The following UPRT variants were observed in gnomAD, a reference collection of about 807,000 sequenced individuals.
UPRT encodes uracil phosphoribosyltransferase homolog.
In UPRT, 5 loss-of-function variants were observed where a neutral mutation model predicts 22.6. The ratio of observed to expected loss-of-function variants is 0.22; its 90% CI spans 0.12 to 0.47. The LOEUF is 0.47. Among genes scored for constraint, UPRT ranks in the 20% least tolerant of loss-of-function variants. The pLI is 0.99. For missense variants in UPRT, 181 were observed against 239.9 expected (o/e 0.75, Z 1.62); for synonymous variants, 77 against 87.7 (o/e 0.88, Z 0.68).
chrX:75,227,241 A>T (rs144719685), intron 4 of UPRT, among the ~76,000 whole-genome samples: 1 of 111,903 alleles, frequency 8.9e-6, no homozygotes, highest in African/African-American at 3.2e-5. Flanking sequence ...CATTTTATCA[A>T]CTATTTAGTT....
intron 1 of UPRT, among the ~76,000 whole-genome samples, chrX:75,288,998 T>C (rs2082694400): frequency 9.0e-6 from 1 of 111,269 alleles, no homozygotes; most frequent in Non-Finnish European, 1.9e-5. Context: ...TGTTTCAGAA[T>C]ACAAAATCAG....
At chrX:75,271,625 A>G (rs1002351939), upstream of UPRT, among the ~76,000 whole-genome samples, 5 of 112,482 alleles carry the variant, frequency 4.4e-5, no homozygotes, top group South Asian at 7.3e-4. Flanking sequence ...CAAATGCAAT[A>G]AAAACAAAGA....
At chrX:75,298,761 T>A (rs1234959103) in intron 4 of UPRT, among the ~76,000 whole-genome samples, 1 of 111,800 alleles carries the variant, frequency 8.9e-6, no homozygotes. Context: ...GTTCAACTTT[T>A]AAAAACTGGT....
intron 1 of UPRT, among the ~76,000 whole-genome samples, chrX:75,289,486 G>T (rs1461098810): frequency 3.7e-5 from 4 of 109,037 alleles, no homozygotes; most frequent in African/African-American, 1.3e-4. Context: ...TGCCCCAAAA[G>T]AGCCAGAATA....
intron 4 of UPRT, among the ~76,000 whole-genome samples, chrX:75,220,248 G>A (rs980296735): frequency 9.1e-6 from 1 of 109,715 alleles, no homozygotes; most frequent in Non-Finnish European, 1.9e-5. Flanking sequence ...GTTTCTATTA[G>A]TATAAAATAT....
chrX:75,183,064 G>C, intron 4 of UPRT, among the ~76,000 whole-genome samples: 1 of 109,948 alleles, frequency 9.1e-6, no homozygotes, highest in South Asian at 4.0e-4. Context: ...GGGTACATGT[G>C]CACAACATGC....
At chrX:75,211,261 G>A (rs188946124) in intron 4 of UPRT, among the ~76,000 whole-genome samples, 115 of 111,052 alleles carry the variant, frequency 1.0e-3, no homozygotes, top group Admixed American at 5.4e-3. Flanking sequence ...GAATTCCTCC[G>A]GGAGAAGGAA....
intron 4 of UPRT, among the ~76,000 whole-genome samples, chrX:75,193,119 A>G (rs917716850): frequency 1.8e-5 from 2 of 112,037 alleles, no homozygotes; most frequent in Admixed American, 1.9e-4. Context: ...TTTTGTTTCC[A>G]TATTTAGCAC....
At chrX:75,237,612 G>C (rs1160183722) in intron 4 of UPRT, among the ~76,000 whole-genome samples, 1 of 110,504 alleles carries the variant, frequency 9.0e-6, no homozygotes, top group East Asian at 2.9e-4. Flanking sequence ...GGAATACTAT[G>C]CAGCCATAAA....
chrX:75,288,527 CAT>C (rs1427401261), intron 1 of UPRT, among the ~76,000 whole-genome samples: 2 of 112,205 alleles, frequency 1.8e-5, no homozygotes, highest in East Asian at 5.6e-4. Context: ...GATAATTCAA[CAT>C]ATGCAAATCA....
At chrX:75,184,343 G>C (rs1353132381) in intron 4 of UPRT, among the ~76,000 whole-genome samples, 1 of 110,436 alleles carries the variant, frequency 9.1e-6, no homozygotes, top group African/African-American at 3.3e-5. Flanking sequence ...TAGATATGCG[G>C]CATTATTTCT....
intron 4 of UPRT, among the ~76,000 whole-genome samples, chrX:75,234,428 A>T (rs1363784303): frequency 9.0e-6 from 1 of 111,389 alleles, no homozygotes; most frequent in Non-Finnish European, 1.9e-5. Context: ...GCTCTGTACC[A>T]AGCAGACCTA....
chrX:75,292,552 A>G (rs1384131988), intron 1 of UPRT, among the ~76,000 whole-genome samples: 1 of 111,677 alleles, frequency 9.0e-6, no homozygotes, highest in Non-Finnish European at 1.9e-5. Flanking sequence ...AAGAGTGGAA[A>G]TTAATGATAT....
intron 4 of UPRT, among the ~76,000 whole-genome samples, chrX:75,298,541 T>C (rs909553152): frequency 2.7e-5 from 3 of 112,230 alleles, no homozygotes; most frequent in African/African-American, 9.7e-5. Flanking sequence ...TTTATGTTTT[T>C]TTTGCATAAG....
intron 4 of UPRT, among the ~76,000 whole-genome samples, chrX:75,186,981 G>T (rs866945252): frequency 4.5e-5 from 5 of 111,399 alleles, no homozygotes; most frequent in African/African-American, 1.6e-4. Context: ...TATCCAATTT[G>T]CCAGTCTGTG....
At chrX:75,250,943 G>A (rs920006967) in intron 4 of UPRT, among the ~76,000 whole-genome samples, 6 of 111,343 alleles carry the variant, frequency 5.4e-5, no homozygotes, top group East Asian at 5.6e-4. Context: ...GCATATAAAC[G>A]GAACCAAAGA....
intron 4 of UPRT, among the ~76,000 whole-genome samples, chrX:75,181,626 T>A (rs928330964): frequency 8.9e-6 from 1 of 111,886 alleles, no homozygotes; most frequent in Admixed American, 9.5e-5. Context: ...AGAATTGCAT[T>A]CTTGATTTGG....
intron 4 of UPRT, among the ~76,000 whole-genome samples, chrX:75,243,180 T>A (rs1602470011): frequency 1.8e-5 from 2 of 111,631 alleles, no homozygotes; most frequent in Non-Finnish European, 3.8e-5. Flanking sequence ...ATCCTTTCAT[T>A]TTTTAAAAAA....
intron 2 of UPRT, among the ~76,000 whole-genome samples, chrX:75,161,448 A>G (rs2082199100): frequency 8.8e-6 from 1 of 113,121 alleles, no homozygotes; most frequent in South Asian, 3.6e-4. Flanking sequence ...ATAAAAATTT[A>G]GAGATTTTGG....
Sources: gnomAD v4.1 joint callset for allele counts (sites outside exome capture counted in the v4.1 genomes callset) on GRCh38, gnomAD v4.1.1 for gene constraint, MANE v1.5 for transcripts, NCBI Gene and HGNC (gene_info 2026-07-23, HGNC 2026-07-21) for gene names.